The following IQGAP2 variants were observed in gnomAD, a reference collection of about 807,000 sequenced individuals.
IQGAP2 encodes IQ motif containing GTPase activating protein 2.
IQGAP2 carries 173 observed loss-of-function variants against 201.3 expected under a neutral mutation model. The observed-to-expected ratio is 0.86, with a 90% CI of 0.76 to 0.98. The LOEUF (loss-of-function observed/expected upper bound fraction) is 0.98. IQGAP2 is among the 50% of genes least tolerant of loss of function. IQGAP2 has a pLI of 0.00. For synonymous variants in IQGAP2, 675 were observed against 673.9 expected, an observed-to-expected ratio of 1.00 and a Z score of -0.03; for missense variants, 1,687 against 1,864.8, an observed-to-expected ratio of 0.90 and a Z score of 1.76.
Position 76,575,713 on chromosome 5 carries a change from A to T in IQGAP2, c.402A>T (p.Thr134=). 1 of 1,587,620 alleles carries T rather than the reference A, an allele frequency of 6.3e-7. No individual in the cohort carries two copies. Among genetic ancestry groups the T allele is most frequent in the Non-Finnish European group, 8.6e-7 (1 of 1,163,370 alleles). ...TCCAGATATTTTATCCAGAAACAAC[A>T]GATGTCTATGATCGGAAAAACATAC... ...GLPKIFYPET[T]DVYDRKNIPR... is the part of the protein sequence containing the mutation. The change falls in exon 5 of 36, where the codon ACA becomes ACT. Residue 134 remains threonine, a synonymous_variant. Coordinates refer to ENST00000274364, the MANE Select transcript of IQGAP2 (RefSeq NM_006633.5).
chr5:76,404,228 C>G (rs1272896592), intron 1 of IQGAP2, among the ~76,000 whole-genome samples: 5 of 152,122 alleles, frequency 3.3e-5, no homozygotes, highest in Admixed American at 2.0e-4. Context: ...GGAGAGGACG[C>G]GGCACTAGGC....
intron 1 of IQGAP2, among the ~76,000 whole-genome samples, chr5:76,427,492 T>C (rs1752076260): frequency 6.6e-6 from 1 of 152,236 alleles, no homozygotes. Flanking sequence ...CTGCCGGGAA[T>C]AGGATTATGC....
chr5:76,410,438 GA>G (rs1037051863), intron 1 of IQGAP2, among the ~76,000 whole-genome samples: 4 of 152,166 alleles, frequency 2.6e-5, no homozygotes, highest in African/African-American at 4.8e-5. Context: ...TTTCATTAGA[GA>G]CATGGGTGAG....
intron 2 of IQGAP2, among the ~76,000 whole-genome samples, chr5:76,471,364 C>CAAAAAAAA (rs59781605): frequency 1.4e-5 from 1 of 72,534 alleles, no homozygotes; most frequent in Non-Finnish European, 2.8e-5. Flanking sequence ...ATAAACTAAG[C>CAAAAAAAA]AAAAAAAAAA....
At chr5:76,582,326 A>T (rs1288802442) in intron 5 of IQGAP2, among the ~76,000 whole-genome samples, 1 of 152,244 alleles carries the variant, frequency 6.6e-6, no homozygotes, top group Non-Finnish European at 1.5e-5. Flanking sequence ...TTAAATGAAG[A>T]ATCATGGAAC....
At chr5:76,436,240 C>A (rs1752639653) in intron 1 of IQGAP2, among the ~76,000 whole-genome samples, 1 of 151,706 alleles carries the variant, frequency 6.6e-6, no homozygotes, top group Admixed American at 6.6e-5. Flanking sequence ...ATGTCTAGAA[C>A]TTCCAATAGT....
At chr5:76,670,082 C>T (rs1744170918) in intron 23 of IQGAP2, among the ~76,000 whole-genome samples, 2 of 152,012 alleles carry the variant, frequency 1.3e-5, no homozygotes, top group South Asian at 2.1e-4. Flanking sequence ...AGAGAGATGG[C>T]GGGTGAAGCT....
At chr5:76,440,698 A>G (rs1417492593) in intron 1 of IQGAP2, among the ~76,000 whole-genome samples, 1 of 152,178 alleles carries the variant, frequency 6.6e-6, no homozygotes, top group East Asian at 1.9e-4. Context: ...CATTATTGCC[A>G]TCTAACCAGA....
In IQGAP2 at chr5:76,461,454, C is replaced by T; in HGVS notation, c.47-116C>T. 4 of 594,894 alleles carry T rather than the reference C, an allele frequency of 6.7e-6. No individual in the cohort carries two copies. In the South Asian group the frequency reaches 6.9e-5, roughly 10 times the overall value. The allele number at this position is 594,894 out of a possible 1,614,324, so 36.9% of individuals were successfully genotyped here. A position where few individuals can be genotyped will look rare whatever the true frequency, so the allele number is the denominator to read the frequency against. ...TCTCTCTCTGCCTGGTGTTTCAATA[C>T]TCCTGTCTCTGAATGTTAAATGTTC... On this transcript the variant is annotated intron_variant, in intron 1 of 35. Transcript: ENST00000274364.
At chr5:76,665,438 A>G (rs139012582) in intron 22 of IQGAP2, among the ~76,000 whole-genome samples, 52 of 152,352 alleles carry the variant, frequency 3.4e-4, no homozygotes, top group African/African-American at 1.3e-3. Context: ...AGTAAATGAT[A>G]AAGCAGGGGT....
intron 2 of IQGAP2, among the ~76,000 whole-genome samples, chr5:76,517,054 A>T (rs1262475423): frequency 3.9e-5 from 6 of 152,178 alleles, no homozygotes; most frequent in African/African-American, 9.7e-5. Context: ...CTATCAAAAG[A>T]AAACCAGGAG....
At chr5:76,493,154 C>T (rs1196371425) in intron 2 of IQGAP2, among the ~76,000 whole-genome samples, 1 of 152,094 alleles carries the variant, frequency 6.6e-6, no homozygotes. Flanking sequence ...AACATGGCAG[C>T]CAGGGTGATC....
chr5:76,619,241 TTG>T (rs1749347364), intron 13 of IQGAP2, among the ~76,000 whole-genome samples: 1 of 152,186 alleles, frequency 6.6e-6, no homozygotes, highest in African/African-American at 2.4e-5. Context: ...TAAAAATGCA[TTG>T]TCTTATGCGA....
At chr5:76,442,683 C>T (rs1057487659) in intron 1 of IQGAP2, among the ~76,000 whole-genome samples, 3 of 152,084 alleles carry the variant, frequency 2.0e-5, no homozygotes, top group Admixed American at 6.6e-5. Context: ...CTTATTTCTC[C>T]TACATTTAAA....
chr5:76,560,460 C>T (rs1233387303), intron 2 of IQGAP2, among the ~76,000 whole-genome samples: 1 of 152,070 alleles, frequency 6.6e-6, no homozygotes, highest in African/African-American at 2.4e-5. Context: ...CCCAGTGTAA[C>T]TTGTTTATAG....
chr5:76,666,918 A>G (rs1298868401), intron 22 of IQGAP2, among the ~76,000 whole-genome samples: 1 of 151,894 alleles, frequency 6.6e-6, no homozygotes, highest in South Asian at 2.1e-4. Flanking sequence ...TAATTTTTTC[A>G]TGGTTTTTGT....
rs920187432 is a variant in IQGAP2 at position 76,552,549 on chromosome 5, A to G, written c.147-9847A>G. Among the ~76,000 whole-genome samples, 5 of 152,360 alleles carry G rather than the reference A, an allele frequency of 3.3e-5. No homozygotes were observed. The East Asian group carries it at 9.6e-4, about 29-fold the overall frequency. Reference sequence around the variant, plus strand: ...TTTCAACACTTGGCTTAGAAATCTCAGCAGAATATCCAAGGTTGTCACTTA... The same window carrying G: ...TTTCAACACTTGGCTTAGAAATCTCGGCAGAATATCCAAGGTTGTCACTTA... On this transcript the variant is annotated intron_variant, in intron 2 of 35. Coordinates refer to ENST00000274364, the MANE Select transcript of IQGAP2 (RefSeq NM_006633.5).
At chr5:76,421,819 T>A (rs1751747217) in intron 1 of IQGAP2, among the ~76,000 whole-genome samples, 1 of 152,208 alleles carries the variant, frequency 6.6e-6, no homozygotes, top group Non-Finnish European at 1.5e-5. Flanking sequence ...AGTAACAGGC[T>A]GCCTCTTGGG....
At chr5:76,439,931 A>G (rs2150102933) in intron 1 of IQGAP2, among the ~76,000 whole-genome samples, 1 of 152,234 alleles carries the variant, frequency 6.6e-6, no homozygotes, top group African/African-American at 2.4e-5. Context: ...TTGTTATATT[A>G]GTGTTTTATA....
Sources: allele counts gnomAD v4.1 joint callset (sites outside exome capture counted in the v4.1 genomes callset), GRCh38; gene constraint gnomAD v4.1.1; transcripts MANE v1.5; gene names NCBI Gene and HGNC (gene_info 2026-07-23, HGNC 2026-07-21).